CACNA1C: variants seen among roughly 807,000 people sequenced by gnomAD.
The protein encoded by CACNA1C is calcium voltage-gated channel subunit alpha1 C.
Under a neutral mutation model 229.0 loss-of-function variants are expected in CACNA1C, and 30 were observed. That is an observed-to-expected ratio of 0.13 (90% CI 0.10 to 0.18). The LOEUF is 0.18. Among genes scored for constraint, CACNA1C ranks in the 10% least tolerant of loss-of-function variants. The pLI is 1.00. For synonymous variants in CACNA1C, 1,114 were observed against 1,132.5 expected (o/e 0.98, Z 0.33); for missense variants, 1,658 against 2,845.0 (o/e 0.58, Z 9.49).
In CACNA1C at chr12:2,306,697, T is replaced by C. The variant is rs994707061; in HGVS notation, c.478-142279T>C. On this transcript the variant is annotated intron_variant, in intron 3 of 46. Transcript: ENST00000399655. ...GGATAAAATTTTCTTGTAAAAAGGG[T>C]ATGTTAGTCAAAAAAAGTTTGAGAC... Among the ~76,000 whole-genome samples the C allele has an allele frequency of 7.9e-5, 12 of 152,104 alleles. No homozygotes were observed. In the East Asian group the frequency reaches 2.3e-3, roughly 29 times the overall value.
intron 1 of CACNA1C, among the ~76,000 whole-genome samples, chr12:2,114,474 G>A (rs990380594): frequency 5.3e-5 from 8 of 152,154 alleles, no homozygotes; most frequent in Middle Eastern, 3.2e-3. Context: ...ATTTCAAGAG[G>A]AGGGCCTAGA....
At chr12:2,077,133 G>A (rs1397624812) in intron 1 of CACNA1C, among the ~76,000 whole-genome samples, 4 of 152,266 alleles carry the variant, frequency 2.6e-5, no homozygotes, top group Admixed American at 2.6e-4. Flanking sequence ...GCTAATAGCT[G>A]CATGTGTGAG....
chr12:2,682,192 G>A (rs2097182203), intron 42 of CACNA1C: 3 of 618,020 alleles, frequency 4.9e-6, no homozygotes, highest in Non-Finnish European at 8.6e-6. Context: ...TGAGTGGGGG[G>A]CAGCCTCTAA....
intron 1 of CACNA1C, among the ~76,000 whole-genome samples, chr12:2,062,329 T>C (rs942956567): frequency 1.3e-5 from 2 of 152,240 alleles, no homozygotes; most frequent in Non-Finnish European, 2.9e-5. Flanking sequence ...TTTAATTATA[T>C]TTTTTAGATA....
At chr12:2,672,720 C>CTAAT (rs1380188514) in intron 38 of CACNA1C, among the ~76,000 whole-genome samples, 3 of 152,248 alleles carry the variant, frequency 2.0e-5, no homozygotes, top group Non-Finnish European at 1.5e-5. Context: ...CTCACCTTAA[C>CTAAT]TAATTACATT....
chr12:2,202,692 C>T (rs988315243), intron 3 of CACNA1C, among the ~76,000 whole-genome samples: 1 of 152,162 alleles, frequency 6.6e-6, no homozygotes, highest in Non-Finnish European at 1.5e-5. Context: ...AGGGGACTTG[C>T]TTCACGTGGG....
chr12:2,645,311 A>G (rs933427306), intron 30 of CACNA1C, among the ~76,000 whole-genome samples: 2 of 152,170 alleles, frequency 1.3e-5, no homozygotes, highest in East Asian at 3.9e-4. Flanking sequence ...GATGGGAGAA[A>G]CTACAAACTA....
intron 8 of CACNA1C, among the ~76,000 whole-genome samples, chr12:2,506,666 T>C (rs2099772507): frequency 6.6e-6 from 1 of 152,326 alleles, no homozygotes; most frequent in African/African-American, 2.4e-5. Context: ...AGCCCAGAGA[T>C]GTTAAGTGAT....
rs576021031 is a variant in CACNA1C at position 2,605,935 on chromosome 12, T to A, written c.3156+149T>A. On this transcript the variant is annotated intron_variant, in intron 24 of 46. Coordinates refer to ENST00000399655, the MANE Select transcript of CACNA1C (RefSeq NM_000719.7). This position sits in a 1 kb window ranked among gnomAD's most constrained non-coding sequence, Gnocchi z 6.2. ...CTCCACCTGCAGCCCGACTCAACCT[T>A]CAGACCAGGGTAGGGAGGCGCTAGA... is the stretch of plus-strand genomic sequence containing the variant. 4.2e-4 allele frequency: 268 copies of A among 635,312 alleles called. No individual in the cohort carries two copies. The highest frequency in any genetic ancestry group is 4.2e-4 in the Non-Finnish European group (145 of 348,586). The allele number at this position is 635,312 out of a possible 1,614,324, so 39.4% of individuals were successfully genotyped here.
chr12:1,993,268 G>C (rs1156745061), intron 1 of CACNA1C: 2 of 1,614,066 alleles, frequency 1.2e-6, no homozygotes. Context: ...ACTCACATCT[G>C]GCATTTCTGT....
chr12:2,569,933 C>T (rs2053440605), intron 13 of CACNA1C, among the ~76,000 whole-genome samples: 2 of 152,184 alleles, frequency 1.3e-5, no homozygotes, highest in African/African-American at 4.8e-5. Context: ...GTTCCAATTT[C>T]TTCACATTCT....
At position 2,602,098 on chromosome 12, in the gene CACNA1C, A is replaced by G. The variant is rs2153407401; in HGVS notation, c.2960+138A>G. 4 of 647,654 alleles carry G rather than the reference A, an allele frequency of 6.2e-6. No individual in the cohort carries two copies. The highest frequency in any genetic ancestry group is 5.4e-5 in the East Asian group (2 of 36,948). 40.1% of individuals were successfully genotyped at this position (647,654 alleles called of 1,614,324 possible). ...TGGGGTGGGGCCTCCAAAGCTGTGCATGGTGGCTTTGGGTTCTTGGTTCTG... is the reference window on the plus strand; with the variant it reads ...TGGGGTGGGGCCTCCAAAGCTGTGCGTGGTGGCTTTGGGTTCTTGGTTCTG... On this transcript the variant is annotated intron_variant, in intron 22 of 46. Transcript: ENST00000399655. This position sits in a 1 kb window ranked among gnomAD's most constrained non-coding sequence, Gnocchi z 4.4.
chr12:2,582,972 C>T (rs935450269), intron 15 of CACNA1C, 30 bp downstream of exon 15: 3 of 1,499,928 alleles, frequency 2.0e-6, no homozygotes, highest in African/African-American at 1.4e-5. Context: ...CCCACCCCTG[C>T]GGCCCCCAGC....
At chr12:2,141,636 C>G (rs2094204547) in intron 3 of CACNA1C, among the ~76,000 whole-genome samples, 1 of 151,446 alleles carries the variant, frequency 6.6e-6, no homozygotes. Context: ...AACGAGCACT[C>G]AGGCTCCTCG....
chr12:2,468,786 G>GGGATC (rs1403294733), intron 5 of CACNA1C, among the ~76,000 whole-genome samples: 3 of 152,252 alleles, frequency 2.0e-5, no homozygotes, highest in African/African-American at 7.2e-5. Context: ...GAGGAGACCA[G>GGGATC]GGATCTAAGT....
intron 10 of CACNA1C, among the ~76,000 whole-genome samples, chr12:2,554,942 T>G (rs2043253366): frequency 6.6e-6 from 1 of 152,198 alleles, no homozygotes; most frequent in African/African-American, 2.4e-5. Context: ...GAGGTTTTGA[T>G]CCCCATGAAC....
At chr12:2,019,571 A>G (rs988581971) in intron 1 of CACNA1C, among the ~76,000 whole-genome samples, 11 of 126,470 alleles carry the variant, frequency 8.7e-5, no homozygotes, top group African/African-American at 3.8e-4. Flanking sequence ...GGAAGGAAAG[A>G]AAAGAAAGAG....
At position 2,558,400 on chromosome 12, in the gene CACNA1C, G is replaced by A. The variant is rs543318548; in HGVS notation, c.1508+1423G>A. ...GAGTCCATGCCCTCTACTTGCCTCC[G>A]GCCTTGAAATCTCCACCTCTGCTCT... On this transcript the variant is annotated intron_variant, in intron 11 of 46. Transcript: ENST00000399655. Among the ~76,000 whole-genome samples, 11 of 152,258 alleles carry A rather than the reference G, an allele frequency of 7.2e-5. No homozygotes were observed. The Middle Eastern group carries it at 0.01, about 141-fold the overall frequency.
chr12:2,563,761 T>C (rs1048358991), intron 11 of CACNA1C, among the ~76,000 whole-genome samples: 1 of 152,204 alleles, frequency 6.6e-6, no homozygotes, highest in Non-Finnish European at 1.5e-5. Flanking sequence ...ACAGCCCAGG[T>C]TGGCATCTTG....
Sources: allele counts gnomAD v4.1 joint callset (sites outside exome capture counted in the v4.1 genomes callset), GRCh38; gene constraint gnomAD v4.1.1; non-coding constraint Gnocchi (gnomAD v3.1); transcripts MANE v1.5; gene names NCBI Gene and HGNC (gene_info 2026-07-23, HGNC 2026-07-21).